BANP: variants seen among roughly 807,000 people sequenced by gnomAD.
The protein encoded by BANP is BTG3 associated nuclear protein.
A neutral mutation model predicts 68.1 loss-of-function variants in BANP; 11 were observed. The ratio of observed to expected loss-of-function variants is 0.16; its 90% CI spans 0.10 to 0.27. The LOEUF (loss-of-function observed/expected upper bound fraction) is 0.27, where lower values mean the gene tolerates loss of function less well. Among genes scored for constraint, BANP ranks in the 10% least tolerant of loss-of-function variants. BANP has a pLI of 1.00. For synonymous variants in BANP, 329 were observed against 303.2 expected, an observed-to-expected ratio of 1.09 and a Z score of -0.88; for missense variants, 504 against 722.7, an observed-to-expected ratio of 0.70 and a Z score of 3.47.
intron 11 of BANP, among the ~76,000 whole-genome samples, chr16:88,061,895 G>C (rs1487114840): frequency 6.6e-6 from 1 of 152,000 alleles, no homozygotes; most frequent in Admixed American, 6.6e-5. Context: ...CCAACCTCAG[G>C]TGACCAGCCC....
intron 11 of BANP, among the ~76,000 whole-genome samples, chr16:88,063,163 G>A (rs1182707821): frequency 6.6e-6 from 1 of 152,254 alleles, no homozygotes. Context: ...ACTGTTCTCA[G>A]AGCACGCTGT....
At chr16:87,971,016 C>CAA (rs10624509) in intron 1 of BANP, among the ~76,000 whole-genome samples, 86,596 of 134,876 alleles carry the variant, frequency 0.64, 27,587 homozygotes, top group African/African-American at 0.72. Context: ...GACTGCATCT[C>CAA]AAAAAAAAAA....
At chr16:87,987,994 A>G (rs1171447649) in intron 4 of BANP, among the ~76,000 whole-genome samples, 4 of 152,096 alleles carry the variant, frequency 2.6e-5, no homozygotes, top group Admixed American at 2.0e-4. Flanking sequence ...CTTTCCATAC[A>G]AGTCCTGAAA....
chr16:87,981,135 T>A lies in BANP; in HGVS notation c.162+8T>A. ...CAGGATCCATCTATAAAGGTAAAAA[T>A]CTGACTCTGTTCTGTGGTGTGTAGT... is the stretch of plus-strand genomic sequence containing the variant. On this transcript the variant is annotated splice_region_variant and intron_variant, in intron 3 of 13. Transcript: ENST00000682872. 6.2e-7 allele frequency: 1 copy of A among 1,607,828 alleles called. No individual in the cohort carries two copies. The highest frequency in any genetic ancestry group is 1.1e-5 in the South Asian group (1 of 90,972).
At chr16:88,052,420 CT>C (rs146141160) in intron 11 of BANP, among the ~76,000 whole-genome samples, 2,176 of 152,168 alleles carry the variant, frequency 0.014, 62 homozygotes, top group African/African-American at 0.051. Flanking sequence ...GAGTGCTATT[CT>C]CATTTTGGAG....
chr16:87,979,722 T>A (rs2062893383), intron 2 of BANP, among the ~76,000 whole-genome samples: 1 of 152,212 alleles, frequency 6.6e-6, no homozygotes, highest in African/African-American at 2.4e-5. Context: ...TCAGAAGTGT[T>A]ACAATACGCA....
chr16:88,054,336 C>G (rs1211508491), intron 11 of BANP, among the ~76,000 whole-genome samples: 1 of 134,194 alleles, frequency 7.5e-6, no homozygotes, highest in Admixed American at 7.3e-5. Context: ...TCATCTCCAT[C>G]ATCACCACCA....
intron 13 of BANP, among the ~76,000 whole-genome samples, chr16:88,075,939 T>G (rs952355990): frequency 2.6e-5 from 4 of 151,908 alleles, no homozygotes; most frequent in Non-Finnish European, 5.9e-5. Flanking sequence ...AGAGACGAGG[T>G]TTCACCATTT....
intron 12 of BANP, among the ~76,000 whole-genome samples, chr16:88,065,680 T>C (rs1390044339): frequency 6.6e-6 from 1 of 152,142 alleles, no homozygotes; most frequent in Admixed American, 6.5e-5. Flanking sequence ...CAAGTGGTGA[T>C]GGTTCCCTCA....
intron 1 of BANP, among the ~76,000 whole-genome samples, chr16:87,974,489 G>T (rs756965511): frequency 5.3e-5 from 8 of 152,222 alleles, no homozygotes; most frequent in Non-Finnish European, 1.0e-4. Flanking sequence ...GCAGAACAGA[G>T]GTGCTGCCAC....
Position 88,057,037 on chromosome 16 carries a change from TTACA to T in BANP, c.1312-8229_1312-8226del, listed in dbSNP as rs2085231099. Among the ~76,000 whole-genome samples, 1 of 152,232 alleles carries T rather than the reference TTACA, an allele frequency of 6.6e-6. No individual in the cohort carries two copies. The highest frequency in any genetic ancestry group is 1.5e-5 in the Non-Finnish European group (1 of 68,042). On this transcript the variant is annotated intron_variant, in intron 11 of 13. Transcript: ENST00000682872. This position sits in a 1 kb window ranked among gnomAD's most constrained non-coding sequence, Gnocchi z 4.6. ...GAAAAAGTGTGATTTCTGAATAACTTTACAAATCCTTTTGGTGGGATCCAAATGT... is the reference window on the plus strand; with the variant it reads ...GAAAAAGTGTGATTTCTGAATAACTTAATCCTTTTGGTGGGATCCAAATGT...
intron 11 of BANP, among the ~76,000 whole-genome samples, chr16:88,058,897 C>G (rs941580775): frequency 6.6e-6 from 1 of 152,110 alleles, no homozygotes; most frequent in Non-Finnish European, 1.5e-5. Context: ...GTGAGATCAA[C>G]GAAAAGCCCA....
rs545586044 is a variant in BANP, at chr16:87,959,514, C to T, written c.-69+7999C>T. ...GGTGTGAGGCTGCTTGCGAGGGAGG[C>T]GGCTGACCAGGCTTGGTACTAGCAG... On this transcript the variant is annotated intron_variant, in intron 1 of 13. Coordinates refer to ENST00000682872, the MANE Select transcript of BANP (RefSeq NM_001386991.1). 1.4e-4 allele frequency among the ~76,000 whole-genome samples: 22 copies of T among 152,332 alleles called. No homozygotes were observed. In the East Asian group the frequency reaches 3.5e-3, roughly 24 times the overall value.
chr16:88,010,704 C>T (rs578091596), intron 6 of BANP, among the ~76,000 whole-genome samples: 9 of 152,352 alleles, frequency 5.9e-5, no homozygotes, highest in African/African-American at 1.9e-4. Context: ...TGTGCTGTGC[C>T]GAGTCACACA....
chr16:88,031,718 C>T (rs1203400600), intron 8 of BANP, among the ~76,000 whole-genome samples: 1 of 151,864 alleles, frequency 6.6e-6, no homozygotes, highest in Non-Finnish European at 1.5e-5. Context: ...AATCTAGGTA[C>T]TATGGCAATT....
intron 12 of BANP, among the ~76,000 whole-genome samples, chr16:88,068,640 C>T (rs2089454974): frequency 6.6e-6 from 1 of 152,142 alleles, no homozygotes; most frequent in East Asian, 1.9e-4. Flanking sequence ...TGGGCGCCAG[C>T]TCGGGGTCTG....
intron 1 of BANP, among the ~76,000 whole-genome samples, chr16:87,969,059 A>G (rs986291001): frequency 6.6e-5 from 10 of 152,300 alleles, no homozygotes; most frequent in African/African-American, 2.4e-4. Context: ...TGTCGTCTGC[A>G]CTGCCCTCGT....
chr16:87,999,294 G>A (rs1158982504), intron 4 of BANP, among the ~76,000 whole-genome samples: 2 of 138,256 alleles, frequency 1.4e-5, no homozygotes, highest in African/African-American at 2.7e-5. Flanking sequence ...GCACTTGCAC[G>A]GCTGTACTTA....
intron 1 of BANP, among the ~76,000 whole-genome samples, chr16:87,964,055 A>G (rs1299909690): frequency 6.6e-6 from 1 of 152,234 alleles, no homozygotes; most frequent in Admixed American, 6.5e-5. Flanking sequence ...TGTGTCAATC[A>G]CCCTGATTCC....
Sources: allele counts gnomAD v4.1 joint callset (sites outside exome capture counted in the v4.1 genomes callset), GRCh38; gene constraint gnomAD v4.1.1; non-coding constraint Gnocchi (gnomAD v3.1); transcripts MANE v1.5; gene names NCBI Gene and HGNC (gene_info 2026-07-23, HGNC 2026-07-21).